Variants in NALF1 observed in about 807,000 individuals in gnomAD.
The protein encoded by NALF1 is family with sequence similarity 155 member A.
NALF1 carries 3 observed loss-of-function variants against 48.4 expected under a neutral mutation model. The observed-to-expected ratio is 0.06, with a 90% CI of 0.03 to 0.16. The LOEUF (loss-of-function observed/expected upper bound fraction) is 0.16. Among genes scored for constraint, NALF1 ranks in the 10% least tolerant of loss-of-function variants. The pLI is 1.00. For missense variants in NALF1, 526 were observed against 571.5 expected (o/e 0.92, Z 0.81); for synonymous variants, 262 against 245.7 (o/e 1.07, Z -0.62).
chr13:107,821,442 G>A (rs529089825), intron 1 of NALF1, among the ~76,000 whole-genome samples: 3 of 152,284 alleles, frequency 2.0e-5, no homozygotes, highest in African/African-American at 7.2e-5. Context: ...AGGCCATGTC[G>A]AGATTACGCG....
intron 1 of NALF1, among the ~76,000 whole-genome samples, chr13:107,512,795 G>A (rs1000332471): frequency 3.3e-5 from 5 of 152,128 alleles, no homozygotes; most frequent in African/African-American, 9.7e-5. Context: ...CCATGGCAAC[G>A]GTAAACTGAC....
Position 107,268,189 on chromosome 13 carries a change from C to T in NALF1, c.916-57434G>A, listed in dbSNP as rs1052073383. 5.9e-5 allele frequency among the ~76,000 whole-genome samples: 9 copies of T among 152,098 alleles called. No individual in the cohort carries two copies. In the East Asian group the frequency reaches 1.7e-3, roughly 29 times the overall value. ...ATTTTTAGTAGAGACTGGGTTTTAC[C>T]ATGTTGGCCAGGATGGTCTCAATCT... On this transcript the variant is annotated intron_variant, in intron 1 of 2. Transcript: ENST00000375915.
intron 2 of NALF1, among the ~76,000 whole-genome samples, chr13:107,205,975 A>T (rs1879631808): frequency 6.6e-6 from 1 of 152,102 alleles, no homozygotes; most frequent in African/African-American, 2.4e-5. Context: ...TTGACATCGT[A>T]GAATCCAAAA....
At chr13:107,657,456 G>C (rs191452844) in intron 1 of NALF1, among the ~76,000 whole-genome samples, 319 of 152,272 alleles carry the variant, frequency 2.1e-3, no homozygotes, top group African/African-American at 7.4e-3. Flanking sequence ...GTGTCTTTCT[G>C]TGTGTGTGGA....
intron 1 of NALF1, among the ~76,000 whole-genome samples, chr13:107,584,162 A>T (rs1482731678): frequency 6.6e-6 from 1 of 152,156 alleles, no homozygotes; most frequent in East Asian, 1.9e-4. Flanking sequence ...TGAAATATGC[A>T]TTTTCTGAAA....
intron 1 of NALF1, among the ~76,000 whole-genome samples, chr13:107,503,686 A>G (rs1875595149): frequency 2.6e-5 from 4 of 151,980 alleles, no homozygotes; most frequent in Admixed American, 2.6e-4. Context: ...AAGCCAAGAT[A>G]TGGAAACAAC....
intron 1 of NALF1, among the ~76,000 whole-genome samples, chr13:107,860,681 C>T (rs1880548800): frequency 6.6e-6 from 1 of 152,156 alleles, no homozygotes; most frequent in African/African-American, 2.4e-5. Context: ...GTGAGAGCAA[C>T]ACAGCGGATA....
At chr13:107,292,992 C>CTTTTTTTTT (rs55786928) in intron 1 of NALF1, among the ~76,000 whole-genome samples, 2 of 110,672 alleles carry the variant, frequency 1.8e-5, no homozygotes, top group Non-Finnish European at 3.6e-5. Flanking sequence ...TTTTCTTTTT[C>CTTTTTTTTT]TTTTTTTTTT....
intron 1 of NALF1, among the ~76,000 whole-genome samples, chr13:107,483,570 A>T (rs1452773926): frequency 6.6e-6 from 1 of 152,092 alleles, no homozygotes; most frequent in East Asian, 1.9e-4. Context: ...TGAGGAAGAG[A>T]TCACTAGACA....
At chr13:107,328,128 G>A (rs1037488578) in intron 1 of NALF1, among the ~76,000 whole-genome samples, 3 of 151,982 alleles carry the variant, frequency 2.0e-5, no homozygotes, top group African/African-American at 7.2e-5. Flanking sequence ...CCAGTGCCCA[G>A]GCTGATCCTG....
intron 1 of NALF1, among the ~76,000 whole-genome samples, chr13:107,776,015 G>A (rs570591359): frequency 1.3e-5 from 2 of 152,310 alleles, no homozygotes; most frequent in African/African-American, 4.8e-5. Flanking sequence ...TTTCTCTCAA[G>A]TCAACTGTAC....
At chr13:107,541,872 C>G (rs1877010118) in intron 1 of NALF1, among the ~76,000 whole-genome samples, 1 of 152,022 alleles carries the variant, frequency 6.6e-6, no homozygotes, top group African/African-American at 2.4e-5. Context: ...TGTGGCCACC[C>G]TCCAGAGTTC....
At chr13:107,761,338 C>A (rs1877257818) in intron 1 of NALF1, among the ~76,000 whole-genome samples, 1 of 146,960 alleles carries the variant, frequency 6.8e-6, no homozygotes, top group African/African-American at 2.5e-5. Context: ...GCCTGAGCGA[C>A]AGAGCAGGAC....
intron 1 of NALF1, among the ~76,000 whole-genome samples, chr13:107,255,790 A>G (rs1263956626): frequency 6.6e-6 from 1 of 152,226 alleles, no homozygotes; most frequent in African/African-American, 2.4e-5. Flanking sequence ...AGTAAGTGAC[A>G]GAGCCAAAAA....
intron 1 of NALF1, among the ~76,000 whole-genome samples, chr13:107,394,212 T>G (rs1272382822): frequency 6.6e-6 from 1 of 152,154 alleles, no homozygotes; most frequent in Non-Finnish European, 1.5e-5. Context: ...AACTGTAATC[T>G]CTATTTCACT....
intron 1 of NALF1, among the ~76,000 whole-genome samples, chr13:107,808,435 C>T (rs183863594): frequency 6.6e-6 from 1 of 152,080 alleles, no homozygotes; most frequent in Non-Finnish European, 1.5e-5. Flanking sequence ...AAGATTTGTC[C>T]TACTTTTGGC....
chr13:107,721,111 CA>C (rs1645620627), intron 1 of NALF1, among the ~76,000 whole-genome samples: 1 of 2,254 alleles, frequency 4.4e-4, no homozygotes, highest in African/African-American at 5.7e-4. Context: ...GATCTCAATA[CA>C]CACACACACA....
At chr13:107,250,985 A>T (rs1880688979) in intron 1 of NALF1, among the ~76,000 whole-genome samples, 1 of 152,066 alleles carries the variant, frequency 6.6e-6, no homozygotes, top group East Asian at 1.9e-4. Context: ...CATGCCTACT[A>T]TACAGTCTGC....
chr13:107,581,862 T>G (rs1429527265), intron 1 of NALF1, among the ~76,000 whole-genome samples: 2 of 152,332 alleles, frequency 1.3e-5, no homozygotes, highest in East Asian at 1.9e-4. Flanking sequence ...TTGGTGACTG[T>G]TCTCACCTAT....
Sources: gnomAD v4.1 joint callset for allele counts (sites outside exome capture counted in the v4.1 genomes callset) on GRCh38, gnomAD v4.1.1 for gene constraint, MANE v1.5 for transcripts, NCBI Gene and HGNC (gene_info 2026-07-23, HGNC 2026-07-21) for gene names.